Variants in CACNA2D3 observed in about 807,000 individuals in gnomAD.
The protein encoded by CACNA2D3 is voltage-dependent calcium channel subunit alpha-2/delta-3.
CACNA2D3 carries 60 observed loss-of-function variants against 160.6 expected under a neutral mutation model. The observed-to-expected ratio is 0.37, with a 90% CI of 0.30 to 0.46. The LOEUF (loss-of-function observed/expected upper bound fraction) is 0.46. Among genes scored for constraint, CACNA2D3 ranks in the 20% least tolerant of loss-of-function variants. The pLI is 1.00. For synonymous variants in CACNA2D3, 558 were observed against 492.9 expected, an observed-to-expected ratio of 1.13 and a Z score of -1.75; for missense variants, 1,205 against 1,365.0, an observed-to-expected ratio of 0.88 and a Z score of 1.85.
chr3:55,059,304 C>T (rs926646835), intron 35 of CACNA2D3, among the ~76,000 whole-genome samples: 1 of 152,200 alleles, frequency 6.6e-6, no homozygotes, highest in Non-Finnish European at 1.5e-5. Flanking sequence ...ATTCTCCCTT[C>T]GATGTAGGGA....
intron 5 of CACNA2D3, among the ~76,000 whole-genome samples, chr3:54,537,019 C>T (rs1701899768): frequency 6.6e-6 from 1 of 152,022 alleles, no homozygotes; most frequent in Non-Finnish European, 1.5e-5. Flanking sequence ...TCACTCCTGT[C>T]AATAACAATG....
At chr3:55,015,484 T>C (rs572647568) in intron 34 of CACNA2D3, among the ~76,000 whole-genome samples, 1 of 152,390 alleles carries the variant, frequency 6.6e-6, no homozygotes, top group South Asian at 2.1e-4. Context: ...GTAGCTGTTA[T>C]GCCATCATTA....
chr3:54,830,070 A>C (rs1439238235), intron 14 of CACNA2D3, among the ~76,000 whole-genome samples: 1 of 151,036 alleles, frequency 6.6e-6, no homozygotes, highest in East Asian at 2.0e-4. Context: ...CAGCCTCCTG[A>C]GTAGCTGGGA....
At chr3:54,361,531 T>A (rs1698742894) in intron 3 of CACNA2D3, among the ~76,000 whole-genome samples, 1 of 152,244 alleles carries the variant, frequency 6.6e-6, no homozygotes, top group Non-Finnish European at 1.5e-5. Context: ...GGCAGATACC[T>A]GCATTACAAT....
At chr3:54,847,917 G>C (rs1698970330) in intron 17 of CACNA2D3, among the ~76,000 whole-genome samples, 1 of 152,198 alleles carries the variant, frequency 6.6e-6, no homozygotes, top group African/African-American at 2.4e-5. Flanking sequence ...AAATTGGAAA[G>C]GAACAGAGTC....
chr3:54,355,891 A>G (rs748810898), intron 3 of CACNA2D3, among the ~76,000 whole-genome samples: 3 of 152,202 alleles, frequency 2.0e-5, no homozygotes, highest in Non-Finnish European at 2.9e-5. Context: ...TGCAAAGTGC[A>G]TGTGTAGCCA....
intron 4 of CACNA2D3, among the ~76,000 whole-genome samples, chr3:54,421,763 G>A (rs532968412): frequency 7.8e-4 from 119 of 152,250 alleles, no homozygotes; most frequent in African/African-American, 2.7e-3. Context: ...GGAGATTCAA[G>A]CCACTGAGCA....
At chr3:55,018,873 G>A (rs1389879413) in intron 35 of CACNA2D3, among the ~76,000 whole-genome samples, 1 of 151,066 alleles carries the variant, frequency 6.6e-6, no homozygotes, top group Non-Finnish European at 1.5e-5. Context: ...TTCTCTTTCG[G>A]ATACTATTTC....
intron 31 of CACNA2D3, among the ~76,000 whole-genome samples, chr3:55,001,652 G>T (rs1702981356): frequency 6.6e-6 from 1 of 152,102 alleles, no homozygotes. Flanking sequence ...GCCTTCTCTT[G>T]AGCCTTTGGG....
intron 4 of CACNA2D3, among the ~76,000 whole-genome samples, chr3:54,498,360 C>T (rs577921793): frequency 6.6e-6 from 1 of 151,976 alleles, no homozygotes; most frequent in African/African-American, 2.4e-5. Flanking sequence ...AGTTATTGAA[C>T]TTATTGGCAT....
intron 5 of CACNA2D3, among the ~76,000 whole-genome samples, chr3:54,514,226 G>C (rs1279553473): frequency 6.6e-6 from 1 of 152,106 alleles, no homozygotes; most frequent in Non-Finnish European, 1.5e-5. Flanking sequence ...GGATATTTCT[G>C]TTGGGAATGA....
chr3:54,493,890 A>G (rs1357720871), intron 4 of CACNA2D3, among the ~76,000 whole-genome samples: 1 of 152,224 alleles, frequency 6.6e-6, no homozygotes, highest in African/African-American at 2.4e-5. Flanking sequence ...AAGACTCTGA[A>G]GCCCAAAATA....
Position 54,122,806 on chromosome 3 carries a change from G to A in CACNA2D3, c.93G>A (p.Val31=), listed in dbSNP as rs1243811018. The change falls in exon 1 of 38, where the codon GTG becomes GTA. Residue 31 remains valine (V), a synonymous_variant. Transcript: ENST00000474759. ...ALLYAALGDV[V]RSEQQIPLSV... is the part of the protein sequence containing the mutation. ...TCTACGCCGCGCTGGGGGACGTGGT[G>A]CGCTCGGAGCAGCAGATACCGCTCT... 14 of 1,232,536 alleles carry A rather than the reference G, an allele frequency of 1.1e-5. No individual in the cohort carries two copies. Among genetic ancestry groups the A allele is most frequent in the Non-Finnish European group, 1.4e-5 (14 of 982,826 alleles). 76.3% of individuals were successfully genotyped at this position (1,232,536 alleles called of 1,614,324 possible). A position where few individuals can be genotyped will look rare whatever the true frequency, so the allele number is the denominator to read the frequency against.
rs543324873 is a variant in CACNA2D3, at chr3:54,169,044, C to A, written c.204+45450C>A. Among the ~76,000 whole-genome samples, 155 of 152,284 alleles carry A rather than the reference C, an allele frequency of 1.0e-3. 1 individual carries two copies. Among genetic ancestry groups the A allele is most frequent in the African/African-American group, 3.4e-3 (141 of 41,554 alleles). On this transcript the variant is annotated intron_variant, in intron 2 of 37. Transcript: ENST00000474759. ...GTTTGAGGACACTGAGAATATGAAA[C>A]ATGCCATCACAACTGGCAGGGAAAT...
At chr3:54,157,348 T>C (rs1202293218) in intron 2 of CACNA2D3, among the ~76,000 whole-genome samples, 1 of 152,186 alleles carries the variant, frequency 6.6e-6, no homozygotes, top group African/African-American at 2.4e-5. Flanking sequence ...GGAGTGTGTG[T>C]AGGGGGACAC....
intron 17 of CACNA2D3, among the ~76,000 whole-genome samples, chr3:54,855,558 AAAG>A (rs1699151015): frequency 6.6e-6 from 1 of 152,150 alleles, no homozygotes; most frequent in Non-Finnish European, 1.5e-5. Context: ...AGAAAGAGAG[AAAG>A]AAGAAAGGAA....
intron 26 of CACNA2D3, chr3:54,897,107 C>A (rs2106880891): frequency 2.0e-6 from 1 of 497,750 alleles, no homozygotes; most frequent in Non-Finnish European, 3.6e-6. Flanking sequence ...GGAAGCAGGG[C>A]TGATGTTTTG....
chr3:54,572,026 C>T (rs909286918), intron 8 of CACNA2D3, among the ~76,000 whole-genome samples: 4 of 151,998 alleles, frequency 2.6e-5, no homozygotes, highest in Non-Finnish European at 5.9e-5. Flanking sequence ...CCCCTAAACC[C>T]GCAAGGAGAG....
chr3:54,465,926 G>A (rs1575471809), intron 4 of CACNA2D3, among the ~76,000 whole-genome samples: 1 of 152,096 alleles, frequency 6.6e-6, no homozygotes, highest in Non-Finnish European at 1.5e-5. Flanking sequence ...AGTTCATTGA[G>A]GCTGTTGGAA....
Sources: gnomAD v4.1 joint callset for allele counts (sites outside exome capture counted in the v4.1 genomes callset) on GRCh38, gnomAD v4.1.1 for gene constraint, MANE v1.5 for transcripts, NCBI Gene and HGNC (gene_info 2026-07-23, HGNC 2026-07-21) for gene names.